The following FBXL4 variants were observed in gnomAD, a reference collection of about 807,000 sequenced individuals.
FBXL4 encodes the protein F-box/LRR-repeat protein 4.
Under a neutral mutation model 58.9 loss-of-function variants are expected in FBXL4, and 40 were observed. That is an observed-to-expected ratio of 0.68 (90% CI 0.53 to 0.88). The LOEUF is 0.88. Among genes scored for constraint, FBXL4 ranks in the 40% least tolerant of loss-of-function variants. The probability of loss-of-function intolerance (pLI) is 0.00; values close to 1 mark genes in which losing one functional copy is unlikely to be tolerated. For synonymous variants in FBXL4, 263 were observed against 265.5 expected, an observed-to-expected ratio of 0.99 and a Z score of 0.09; for missense variants, 676 against 734.4, an observed-to-expected ratio of 0.92 and a Z score of 0.92.
intron 7 of FBXL4, among the ~76,000 whole-genome samples, chr6:98,893,423 TCTTC>T (rs966530374): frequency 1.5e-5 from 2 of 129,870 alleles, no homozygotes; most frequent in African/African-American, 5.0e-5. Flanking sequence ...CTTCACATGG[TCTTC>T]CTTGTGTGTG....
At chr6:98,946,917 T>C (rs1048687630) in intron 1 of FBXL4, among the ~76,000 whole-genome samples, 1 of 152,110 alleles carries the variant, frequency 6.6e-6, no homozygotes, top group African/African-American at 2.4e-5. Flanking sequence ...AGGCAGGAAG[T>C]GAGCCTGAAA....
At position 98,871,453 on chromosome 6, in the gene FBXL4, GGC is replaced by G. The variant is rs1467767386; in HGVS notation, c.*2823_*2824del. The G allele has an allele frequency of 2.0e-5, 3 of 152,134 alleles. No homozygotes were observed. The highest frequency in any genetic ancestry group is 4.4e-5 in the Non-Finnish European group (3 of 68,020). The allele number at this position is 152,134 out of a possible 1,614,324, so 9.4% of individuals were successfully genotyped here. A position where few individuals can be genotyped will look rare whatever the true frequency, so the allele number is the denominator to read the frequency against. ...ATTAGTCTCTATGAATTATCTGTGT[GGC>G]ACAATTACAAGCATGAATATTTTAT... On this transcript the variant is annotated 3_prime_UTR_variant, in exon 10 of 10. Coordinates refer to ENST00000369244, the MANE Select transcript of FBXL4 (RefSeq NM_001278716.2).
At chr6:98,879,980 T>C (rs1389806992) in intron 8 of FBXL4, among the ~76,000 whole-genome samples, 4 of 150,240 alleles carry the variant, frequency 2.7e-5, no homozygotes, top group Non-Finnish European at 5.9e-5. Flanking sequence ...TGGAAGGACT[T>C]TGAAGCTTAT....
intron 5 of FBXL4, among the ~76,000 whole-genome samples, chr6:98,909,496 G>A (rs1433237899): frequency 6.6e-6 from 1 of 152,176 alleles, no homozygotes; most frequent in Non-Finnish European, 1.5e-5. Context: ...TTTGCCTCAA[G>A]TGTCTTCTGG....
At chr6:98,902,129 A>T (rs1281966801) in intron 6 of FBXL4, among the ~76,000 whole-genome samples, 1 of 152,176 alleles carries the variant, frequency 6.6e-6, no homozygotes, top group Admixed American at 6.6e-5. Context: ...TTTACTTATC[A>T]CAAAATAAAA....
intron 7 of FBXL4, among the ~76,000 whole-genome samples, chr6:98,887,664 T>C (rs1771085921): frequency 6.7e-6 from 1 of 149,906 alleles, no homozygotes; most frequent in Non-Finnish European, 1.5e-5. Flanking sequence ...ATAAAAGAGA[T>C]TTATGTTGAA....
chr6:98,895,608 T>G (rs1262657254), intron 7 of FBXL4, among the ~76,000 whole-genome samples: 1 of 152,214 alleles, frequency 6.6e-6, no homozygotes, highest in Non-Finnish European at 1.5e-5. Context: ...AGGCAATTTA[T>G]TAATCTTTTG....
intron 1 of FBXL4, among the ~76,000 whole-genome samples, chr6:98,943,529 C>T (rs1207252022): frequency 8.1e-6 from 1 of 123,732 alleles, no homozygotes; most frequent in Non-Finnish European, 1.6e-5. Flanking sequence ...GCCAAAATTA[C>T]ACATTACACC....
At chr6:98,903,104 A>C (rs1422844829) in intron 6 of FBXL4, among the ~76,000 whole-genome samples, 1 of 152,134 alleles carries the variant, frequency 6.6e-6, no homozygotes. Context: ...GCTCATCAAC[A>C]TTGGTCTCTA....
chr6:98,924,301 A>AGCC (rs1772690611), intron 4 of FBXL4, among the ~76,000 whole-genome samples: 1 of 152,210 alleles, frequency 6.6e-6, no homozygotes, highest in East Asian at 1.9e-4. Flanking sequence ...TCCCATCTGT[A>AGCC]ATTCCAGCAC....
Position 98,926,838 on chromosome 6 carries a change from C to A in FBXL4, c.151G>T (p.Val51Leu). 5.6e-6 allele frequency: 9 copies of A among 1,614,198 alleles called. No individual in the cohort carries two copies. The highest frequency in any genetic ancestry group is 7.6e-6 in the Non-Finnish European group (9 of 1,180,036). The change falls in exon 4 of 10, where the codon GTA becomes TTA. Residue 51 changes from valine to leucine, a missense_variant. By Grantham distance (32) the Val-to-Leu change is conservative. Coordinates refer to ENST00000369244, the MANE Select transcript of FBXL4 (RefSeq NM_001278716.2). Reference sequence around the variant, plus strand: ...ACTACTTCTTTGGCATACTGGACTACCTCTGCATTGAGAGGGGAAGTCTGG... The same window carrying A: ...ACTACTTCTTTGGCATACTGGACTAACTCTGCATTGAGAGGGGAAGTCTGG... ...NSQTSPLNAE[V>L]VQYAKEVVDF...
intron 1 of FBXL4, among the ~76,000 whole-genome samples, chr6:98,945,808 G>A (rs569561000): frequency 3.7e-4 from 57 of 152,246 alleles, no homozygotes; most frequent in South Asian, 2.9e-3. Context: ...ATGACACGGT[G>A]CAAAGTCAAA....
chr6:98,917,429 C>T lies in FBXL4; in HGVS notation c.803G>A (p.Ser268Asn), dbSNP rs1483121962. ...ATTTGGCCCTTCCCCGAGGACAGCA[C>T]TGCTAAACTTTTTGTTAAGACTGTC... is the stretch of plus-strand genomic sequence containing the variant. Reference protein sequence around the residue: ...GMDSLNKKFSSAVLGEGPNNG... With the variant: ...GMDSLNKKFSNAVLGEGPNNG... Residue 268 changes from serine to asparagine, a missense_variant, in exon 5 of 10, where the codon AGT becomes AAT. Physicochemically the swap from Ser to Asn is conservative, Grantham distance 46. Coordinates refer to ENST00000369244, the MANE Select transcript of FBXL4 (RefSeq NM_001278716.2). 6.2e-7 allele frequency: 1 copy of T among 1,613,864 alleles called. No individual in the cohort carries two copies. The highest frequency in any genetic ancestry group is 1.1e-5 in the South Asian group (1 of 91,022).
chr6:98,910,064 A>G (rs1200216437), intron 5 of FBXL4, among the ~76,000 whole-genome samples: 1 of 152,212 alleles, frequency 6.6e-6, no homozygotes, highest in Non-Finnish European at 1.5e-5. Context: ...ATACACATCA[A>G]TTTGGAAAAG....
chr6:98,943,573 C>G (rs1773510947), intron 1 of FBXL4, among the ~76,000 whole-genome samples: 1 of 83,288 alleles, frequency 1.2e-5, no homozygotes, highest in Non-Finnish European at 2.1e-5. Flanking sequence ...GAGCAAGACT[C>G]TGTCTCAAAA....
At chr6:98,947,349 A>G (rs1773659447) in intron 1 of FBXL4, among the ~76,000 whole-genome samples, 2 of 152,220 alleles carry the variant, frequency 1.3e-5, no homozygotes, top group South Asian at 4.1e-4. Context: ...TGAAGAAAGA[A>G]AACAGGCCTG....
intron 7 of FBXL4, among the ~76,000 whole-genome samples, chr6:98,894,995 G>A (rs1335770766): frequency 6.6e-6 from 1 of 152,178 alleles, no homozygotes; most frequent in African/African-American, 2.4e-5. Flanking sequence ...CTATTCTCCT[G>A]AGGTCTCATT....
At chr6:98,911,341 C>T (rs1270580613) in intron 5 of FBXL4, among the ~76,000 whole-genome samples, 6 of 152,264 alleles carry the variant, frequency 3.9e-5, no homozygotes, top group South Asian at 2.1e-4. Flanking sequence ...TCTCCCAGCA[C>T]GCAGCTGGAG....
chr6:98,891,482 T>A (rs1771223536), intron 7 of FBXL4, among the ~76,000 whole-genome samples: 1 of 152,228 alleles, frequency 6.6e-6, no homozygotes, highest in Admixed American at 6.5e-5. Flanking sequence ...CCTATTTTTA[T>A]CACTGTATTG....
Sources: gnomAD v4.1 joint callset for allele counts (sites outside exome capture counted in the v4.1 genomes callset) on GRCh38, gnomAD v4.1.1 for gene constraint, MANE v1.5 for transcripts, NCBI Gene and HGNC (gene_info 2026-07-23, HGNC 2026-07-21) for gene names.